The following ERC2 variants were observed in gnomAD, a reference collection of about 807,000 sequenced individuals.
The protein encoded by ERC2 is ERC protein 2.
In ERC2, 42 loss-of-function variants were observed where a neutral mutation model predicts 114.8. The ratio of observed to expected loss-of-function variants is 0.37; its 90% CI spans 0.29 to 0.47. ERC2 has a LOEUF of 0.47. Among genes scored for constraint, ERC2 ranks in the 20% least tolerant of loss-of-function variants. The pLI, the probability that ERC2 is intolerant of heterozygous loss-of-function variation, is 0.99. For missense variants in ERC2, 939 were observed against 1,150.7 expected, an observed-to-expected ratio of 0.82 and a Z score of 2.66; for synonymous variants, 454 against 425.5, an observed-to-expected ratio of 1.07 and a Z score of -0.82.
chr3:55,550,054 T>A, intron 17 of ERC2, among the ~76,000 whole-genome samples: 1 of 152,114 alleles, frequency 6.6e-6, no homozygotes, highest in East Asian at 1.9e-4. Flanking sequence ...TTGACAGGAC[T>A]TCCCACCTGG....
chr3:56,229,627 T>C (rs2050474855), intron 3 of ERC2, among the ~76,000 whole-genome samples: 1 of 152,174 alleles, frequency 6.6e-6, no homozygotes, highest in Non-Finnish European at 1.5e-5. Flanking sequence ...AATGAGGCAG[T>C]CCTTGCCATT....
intron 2 of ERC2, among the ~76,000 whole-genome samples, chr3:56,360,733 C>G (rs2058926042): frequency 1.3e-5 from 2 of 151,952 alleles, no homozygotes; most frequent in Non-Finnish European, 1.5e-5. Context: ...CATGGTGAAA[C>G]CCCATATGTA....
Position 56,142,240 on chromosome 3 carries a change from A to G in ERC2, c.1306-2564T>C, listed in dbSNP as rs145487087. ...ACGTCTAAAAAACCCACTTATCCTT[A>G]TATCAATAGCATTTATGATTATGTC... On this transcript the variant is annotated intron_variant, in intron 5 of 17. Coordinates refer to ENST00000288221, the MANE Select transcript of ERC2 (RefSeq NM_015576.3). Among the ~76,000 whole-genome samples, 398 of 152,248 alleles carry G rather than the reference A, an allele frequency of 2.6e-3. 3 individuals are homozygous for G. The highest frequency in any genetic ancestry group is 8.9e-3 in the African/African-American group (368 of 41,558).
chr3:56,404,223 A>G (rs1297026687), intron 2 of ERC2, among the ~76,000 whole-genome samples: 1 of 152,216 alleles, frequency 6.6e-6, no homozygotes, highest in African/African-American at 2.4e-5. Context: ...TTGTAAATCA[A>G]TTAATATTAT....
chr3:56,121,014 GC>G (rs2079544510), intron 6 of ERC2, among the ~76,000 whole-genome samples: 1 of 152,222 alleles, frequency 6.6e-6, no homozygotes, highest in African/African-American at 2.4e-5. Flanking sequence ...CCAGAATCAT[GC>G]AGCTGGAAGA....
intron 3 of ERC2, among the ~76,000 whole-genome samples, chr3:56,189,974 A>G (rs964176122): frequency 6.6e-6 from 1 of 152,242 alleles, no homozygotes; most frequent in East Asian, 1.9e-4. Context: ...GGACTGAGAC[A>G]GGTGGCATTA....
chr3:56,219,317 C>T (rs1251377999), intron 3 of ERC2, among the ~76,000 whole-genome samples: 1 of 151,880 alleles, frequency 6.6e-6, no homozygotes, highest in East Asian at 1.9e-4. Context: ...TAAAATTTTT[C>T]TTCTTAGGTG....
rs1031479660 is a variant in ERC2, at chr3:55,723,887, A to G, written c.2712+10884T>C. ...CTTTTCTTTCATTTTGAAATCCAGC[A>G]TCAGGAGGACACAAGGGCAGGAAGT... is the stretch of plus-strand genomic sequence containing the variant. On this transcript the variant is annotated intron_variant, in intron 15 of 17. Coordinates refer to ENST00000288221, the MANE Select transcript of ERC2 (RefSeq NM_015576.3). Among the ~76,000 whole-genome samples the G allele has an allele frequency of 2.6e-5, 4 of 152,310 alleles. No individual in the cohort carries two copies. In the East Asian group the frequency reaches 7.7e-4, roughly 29 times the overall value.
intron 6 of ERC2, among the ~76,000 whole-genome samples, chr3:56,095,001 C>T (rs2077979037): frequency 1.3e-5 from 2 of 152,108 alleles, no homozygotes; most frequent in Admixed American, 6.5e-5. Context: ...GCCTATAATC[C>T]CAGCACTTTG....
At chr3:56,117,432 A>G (rs987053588) in intron 6 of ERC2, among the ~76,000 whole-genome samples, 1 of 152,210 alleles carries the variant, frequency 6.6e-6, no homozygotes, top group Non-Finnish European at 1.5e-5. Context: ...GCTAAGACAA[A>G]GACAACAGGT....
At chr3:56,024,003 T>C (rs370011358) in intron 7 of ERC2, among the ~76,000 whole-genome samples, 3 of 152,348 alleles carry the variant, frequency 2.0e-5, no homozygotes, top group East Asian at 3.9e-4. Context: ...CCCAAATGTA[T>C]CTTTCTGGTA....
intron 14 of ERC2, among the ~76,000 whole-genome samples, chr3:55,853,134 G>C (rs2061645864): frequency 6.6e-6 from 1 of 152,200 alleles, no homozygotes; most frequent in Non-Finnish European, 1.5e-5. Flanking sequence ...GATCTAAGGT[G>C]ACAGCATATC....
chr3:56,235,898 T>C (rs2050911636), intron 3 of ERC2, among the ~76,000 whole-genome samples: 2 of 152,208 alleles, frequency 1.3e-5, no homozygotes, highest in Non-Finnish European at 2.9e-5. Flanking sequence ...CCTTTCATTT[T>C]TTACATCATT....
intron 4 of ERC2, among the ~76,000 whole-genome samples, chr3:56,159,174 C>T (rs1374254149): frequency 1.3e-5 from 2 of 152,082 alleles, no homozygotes; most frequent in East Asian, 1.9e-4. Context: ...TTGTAAGTTT[C>T]CTGAGGCCTC....
chr3:55,627,905 T>G (rs976183203), intron 17 of ERC2, among the ~76,000 whole-genome samples: 6 of 110,610 alleles, frequency 5.4e-5, no homozygotes, highest in South Asian at 3.1e-4. Flanking sequence ...TTTTTTTTTT[T>G]GAAGAAAGGG....
intron 3 of ERC2, among the ~76,000 whole-genome samples, chr3:56,184,861 T>C (rs1078309): frequency 0.11 from 16,656 of 152,110 alleles, 1,422 homozygotes; most frequent in African/African-American, 0.23. Context: ...GAGGGAAGAA[T>C]GGCTTTGGAA....
intron 2 of ERC2, among the ~76,000 whole-genome samples, chr3:56,308,018 T>C (rs2056333632): frequency 6.6e-6 from 1 of 152,160 alleles, no homozygotes; most frequent in African/African-American, 2.4e-5. Context: ...TATAGCTAGA[T>C]TGAGGGGCTG....
At chr3:56,370,733 T>C (rs2059334627) in intron 2 of ERC2, among the ~76,000 whole-genome samples, 1 of 152,036 alleles carries the variant, frequency 6.6e-6, no homozygotes, top group African/African-American at 2.4e-5. Context: ...TAGCTGGGAT[T>C]ACAGGCATGC....
chr3:55,732,556 T>C (rs1484899558), intron 15 of ERC2, among the ~76,000 whole-genome samples: 1 of 152,226 alleles, frequency 6.6e-6, no homozygotes, highest in East Asian at 1.9e-4. Flanking sequence ...ACTGAAGGAC[T>C]ATGCTCAATC....
Sources: gnomAD v4.1 joint callset for allele counts (sites outside exome capture counted in the v4.1 genomes callset) on GRCh38, gnomAD v4.1.1 for gene constraint, MANE v1.5 for transcripts, NCBI Gene and HGNC (gene_info 2026-07-23, HGNC 2026-07-21) for gene names.